The following PPP4R1 variants were observed in gnomAD, a reference collection of about 807,000 sequenced individuals.
PPP4R1 encodes protein phosphatase 4 regulatory subunit 1.
Under a neutral mutation model 111.2 loss-of-function variants are expected in PPP4R1, and 42 were observed. The observed-to-expected ratio is 0.38, with a 90% CI of 0.29 to 0.49. The LOEUF is 0.49. Ranked by LOEUF, PPP4R1 falls within the 20% of genes least tolerant of loss-of-function variation. The pLI is 0.97. For synonymous variants in PPP4R1, 409 were observed against 405.5 expected, an observed-to-expected ratio of 1.01 and a Z score of -0.10; for missense variants, 1,012 against 1,161.6, an observed-to-expected ratio of 0.87 and a Z score of 1.87.
At chr18:9,575,700 G>C (rs2066925262) in intron 10 of PPP4R1, among the ~76,000 whole-genome samples, 1 of 152,170 alleles carries the variant, frequency 6.6e-6, no homozygotes, top group Non-Finnish European at 1.5e-5. Flanking sequence ...CACTGTTGAG[G>C]TCAGTGAAGT....
intron 14 of PPP4R1, among the ~76,000 whole-genome samples, chr18:9,557,614 G>A (rs1170638069): frequency 1.3e-5 from 2 of 152,200 alleles, no homozygotes; most frequent in Non-Finnish European, 2.9e-5. Context: ...AGGAGAAAAT[G>A]CTTAGCAATC....
At chr18:9,569,165 G>A (rs1447766158) in intron 11 of PPP4R1, among the ~76,000 whole-genome samples, 4 of 150,320 alleles carry the variant, frequency 2.7e-5, no homozygotes, top group Admixed American at 2.6e-4. Flanking sequence ...ACTCCAGCCT[G>A]GGCAACAAAG....
intron 10 of PPP4R1, among the ~76,000 whole-genome samples, chr18:9,575,429 T>G (rs2066921483): frequency 6.6e-6 from 1 of 152,214 alleles, no homozygotes; most frequent in Non-Finnish European, 1.5e-5. Flanking sequence ...TTCTTTATAG[T>G]TTGTCAAACT....
upstream of PPP4R1, chr18:9,614,685 G>A (rs2067661804): frequency 7.0e-6 from 1 of 142,262 alleles, no homozygotes; most frequent in Admixed American, 6.9e-5. This position sits in a 1 kb window ranked among gnomAD's most constrained non-coding sequence, Gnocchi z 4.1. Flanking sequence ...GCCCCCGGCC[G>A]CGCCCCGCCC....
chr18:9,561,922 GC>G (rs2066684123), intron 13 of PPP4R1, 57 bp downstream of exon 13: 1 of 1,381,622 alleles, frequency 7.2e-7, no homozygotes, highest in Middle Eastern at 1.8e-4. Context: ...TCAGAAATGG[GC>G]TCTAAAAGAG....
rs2067654033 is a variant in PPP4R1, at chr18:9,614,470, C to T, written c.7+8G>A. ...CCGCCGCCGCCCGGAGAACAGGGGGCCACGTACCCGCCATCTTGTGGTCGC... is the reference window on the plus strand; with the variant it reads ...CCGCCGCCGCCCGGAGAACAGGGGGTCACGTACCCGCCATCTTGTGGTCGC... On this transcript the variant is annotated splice_region_variant and intron_variant, in intron 1 of 19. Coordinates refer to ENST00000400556, the MANE Select transcript of PPP4R1 (RefSeq NM_001042388.3). The surrounding 1 kb of genome is among the most constrained non-coding windows in gnomAD (Gnocchi z 4.1). 9.7e-7 allele frequency: 1 copy of T among 1,033,360 alleles called. No individual in the cohort carries two copies. Among genetic ancestry groups the T allele is most frequent in the Non-Finnish European group, 1.2e-6 (1 of 861,742 alleles). 64.0% of individuals were successfully genotyped at this position (1,033,360 alleles called of 1,614,324 possible).
At position 9,555,997 on chromosome 18, in the gene PPP4R1, C is replaced by CAAAA. The variant is rs71358236; in HGVS notation, c.2190+1220_2190+1223dup. 1.5e-3 allele frequency among the ~76,000 whole-genome samples: 199 copies of CAAAA among 136,890 alleles called. 2 individuals carry two copies. Among genetic ancestry groups the CAAAA allele is most frequent in the Non-Finnish European group, 2.2e-3 (139 of 63,632 alleles). 89.8% of individuals were successfully genotyped at this position (136,890 alleles called of 152,430 possible). A position where few individuals can be genotyped will look rare whatever the true frequency, so the allele number is the denominator to read the frequency against. On this transcript the variant is annotated intron_variant, in intron 15 of 19. Transcript: ENST00000400556. Reference sequence around the variant, plus strand: ...TAAAACAAACAAACAAACAAACAAACAAAAAAACACAAAATCGGCCGGGCT... The same window carrying CAAAA: ...TAAAACAAACAAACAAACAAACAAACAAAAAAAAAAACACAAAATCGGCCGGGCT...
chr18:9,555,869 G>T (rs193103577), intron 15 of PPP4R1, among the ~76,000 whole-genome samples: 2 of 152,058 alleles, frequency 1.3e-5, no homozygotes, highest in East Asian at 1.9e-4. Flanking sequence ...AGGCATGGTG[G>T]CTCACGCCTG....
At chr18:9,549,626 C>T (rs1220351917) in intron 18 of PPP4R1, among the ~76,000 whole-genome samples, 3 of 152,118 alleles carry the variant, frequency 2.0e-5, no homozygotes, top group South Asian at 2.1e-4. Flanking sequence ...TAGTGGGAAC[C>T]GTGGTATGGT....
intron 11 of PPP4R1, among the ~76,000 whole-genome samples, chr18:9,564,735 T>G (rs1393812514): frequency 8.2e-4 from 33 of 40,208 alleles, no homozygotes; most frequent in African/African-American, 2.0e-3. Context: ...TGTGTGTGTG[T>G]GTGGGGGTAT....
At chr18:9,580,357 T>A (rs1159319680) in intron 9 of PPP4R1, among the ~76,000 whole-genome samples, 1 of 151,824 alleles carries the variant, frequency 6.6e-6, no homozygotes, top group Non-Finnish European at 1.5e-5. Context: ...TCTAATTTTT[T>A]TTTTTTTTTT....
chr18:9,558,543 C>G (rs938563836), intron 14 of PPP4R1, among the ~76,000 whole-genome samples: 1 of 152,162 alleles, frequency 6.6e-6, no homozygotes, highest in Non-Finnish European at 1.5e-5. Context: ...GCCCAGCTTT[C>G]CTAACCTCAT....
chr18:9,581,920 T>C (rs1325141062), intron 9 of PPP4R1, among the ~76,000 whole-genome samples: 1 of 152,132 alleles, frequency 6.6e-6, no homozygotes, highest in South Asian at 2.1e-4. Flanking sequence ...GGCAGTGGCA[T>C]AACACACTCA....
chr18:9,610,236 A>T (rs1197170595), intron 2 of PPP4R1, among the ~76,000 whole-genome samples: 1 of 152,186 alleles, frequency 6.6e-6, no homozygotes, highest in Admixed American at 6.5e-5. Context: ...ATCTGAAATA[A>T]TTTTTTCTAA....
intron 10 of PPP4R1, among the ~76,000 whole-genome samples, chr18:9,574,592 C>A (rs62087458): frequency 0.055 from 8,444 of 152,182 alleles, 305 homozygotes; most frequent in Middle Eastern, 0.092. Flanking sequence ...TAGAATAATT[C>A]ATTCAGGATT....
chr18:9,562,097 T>C, intron 12 of PPP4R1, 22 bp from the exon 13 acceptor site: 1 of 1,548,370 alleles, frequency 6.5e-7, no homozygotes, highest in Non-Finnish European at 8.9e-7. Flanking sequence ...AAATAACTAC[T>C]TAAAGAGCTG....
At chr18:9,593,036 A>G (rs530070239) in intron 4 of PPP4R1, among the ~76,000 whole-genome samples, 1 of 152,258 alleles carries the variant, frequency 6.6e-6, no homozygotes, top group East Asian at 1.9e-4. Flanking sequence ...TCATCAAAAG[A>G]TGAGCTTGTC....
chr18:9,606,907 C>G (rs899716243), intron 2 of PPP4R1, among the ~76,000 whole-genome samples: 1 of 152,094 alleles, frequency 6.6e-6, no homozygotes, highest in African/African-American at 2.4e-5. Flanking sequence ...GCACTCTTAA[C>G]GCAATTACTT....
chr18:9,614,283 G>C lies in PPP4R1; in HGVS notation c.8-13C>G. On this transcript the variant is annotated splice_polypyrimidine_tract_variant and intron_variant, in intron 1 of 19. Transcript: ENST00000400556. This position sits in a 1 kb window ranked among gnomAD's most constrained non-coding sequence, Gnocchi z 4.1. ...AGCAGCGAGAGGTCTGCGCCGAGGG[G>C]AGAGAAGAAAGGCCCGGTCAGCGCC... 1.5e-6 allele frequency: 2 copies of C among 1,304,560 alleles called. No individual in the cohort carries two copies. Among genetic ancestry groups the C allele is most frequent in the African/African-American group, 3.1e-5 (2 of 64,096 alleles). 80.8% of individuals were successfully genotyped at this position (1,304,560 alleles called of 1,614,324 possible). A position where few individuals can be genotyped will look rare whatever the true frequency, so the allele number is the denominator to read the frequency against.
Sources: allele counts gnomAD v4.1 joint callset (sites outside exome capture counted in the v4.1 genomes callset), GRCh38; gene constraint gnomAD v4.1.1; non-coding constraint Gnocchi (gnomAD v3.1); transcripts MANE v1.5; gene names NCBI Gene and HGNC (gene_info 2026-07-23, HGNC 2026-07-21).